PDZRN4: variants seen among roughly 807,000 people sequenced by gnomAD.
PDZRN4 encodes the protein PDZ domain containing ring finger 4.
PDZRN4 carries 70 observed loss-of-function variants against 99.0 expected under a neutral mutation model. The ratio of observed to expected loss-of-function variants is 0.71; its 90% CI spans 0.58 to 0.86. The LOEUF (loss-of-function observed/expected upper bound fraction) is 0.86. Ranked by LOEUF, PDZRN4 falls within the 40% of genes least tolerant of loss-of-function variation. PDZRN4 has a pLI of 0.00. For synonymous variants in PDZRN4, 551 were observed against 501.6 expected (o/e 1.10, Z -1.32); for missense variants, 1,474 against 1,331.2 (o/e 1.11, Z -1.67).
At chr12:41,472,295 G>A (rs1053757019) in intron 3 of PDZRN4, among the ~76,000 whole-genome samples, 4 of 152,110 alleles carry the variant, frequency 2.6e-5, no homozygotes, top group East Asian at 1.9e-4. Flanking sequence ...GAGCCACGGC[G>A]CCTGGCCCTG....
At chr12:41,283,188 A>T (rs1951400878) in intron 3 of PDZRN4, among the ~76,000 whole-genome samples, 1 of 152,228 alleles carries the variant, frequency 6.6e-6, no homozygotes, top group African/African-American at 2.4e-5. Flanking sequence ...GGATATGACC[A>T]CTGTTCCCAC....
At chr12:41,469,702 G>T (rs534472462) in intron 3 of PDZRN4, among the ~76,000 whole-genome samples, 3 of 151,958 alleles carry the variant, frequency 2.0e-5, no homozygotes, top group Non-Finnish European at 2.9e-5. Context: ...GAGGCCGAGG[G>T]GGGCCGATCA....
At chr12:41,359,307 T>C (rs1331033724) in intron 3 of PDZRN4, among the ~76,000 whole-genome samples, 1 of 152,060 alleles carries the variant, frequency 6.6e-6, no homozygotes, top group Non-Finnish European at 1.5e-5. Context: ...GGGACACTTC[T>C]GTGTTCAAAT....
intron 3 of PDZRN4, among the ~76,000 whole-genome samples, chr12:41,344,220 AT>A (rs575702322): frequency 1.3e-5 from 2 of 151,980 alleles, no homozygotes; most frequent in East Asian, 1.9e-4. Flanking sequence ...ACCTCATTAA[AT>A]TTTTTTTCTC....
At chr12:41,439,737 C>A (rs555913821) in intron 3 of PDZRN4, among the ~76,000 whole-genome samples, 14 of 152,172 alleles carry the variant, frequency 9.2e-5, no homozygotes, top group African/African-American at 3.1e-4. Context: ...ATTTTATTTT[C>A]TCTACTCCTG....
chr12:41,323,826 G>A (rs1456742420), intron 3 of PDZRN4, among the ~76,000 whole-genome samples: 1 of 151,744 alleles, frequency 6.6e-6, no homozygotes, highest in East Asian at 1.9e-4. Flanking sequence ...AAAATTTCTT[G>A]TAGAGATGTG....
intron 5 of PDZRN4, among the ~76,000 whole-genome samples, chr12:41,533,812 T>G (rs1938704648): frequency 6.6e-6 from 1 of 152,208 alleles, no homozygotes; most frequent in South Asian, 2.1e-4. Context: ...TATAACTATT[T>G]ACAAATTTGT....
chr12:41,539,580 A>G (rs1224543950), intron 5 of PDZRN4, among the ~76,000 whole-genome samples: 6 of 152,108 alleles, frequency 3.9e-5, no homozygotes, highest in Admixed American at 2.6e-4. Flanking sequence ...GCTTAGAAAC[A>G]TTGCAGGAAT....
intron 3 of PDZRN4, among the ~76,000 whole-genome samples, chr12:41,401,067 A>G (rs967358511): frequency 6.6e-6 from 1 of 152,210 alleles, no homozygotes; most frequent in Non-Finnish European, 1.5e-5. Context: ...GAGGTGACTA[A>G]TCATAATGTA....
intron 3 of PDZRN4, among the ~76,000 whole-genome samples, chr12:41,484,030 A>T (rs1310463323): frequency 6.6e-6 from 1 of 152,312 alleles, no homozygotes; most frequent in East Asian, 1.9e-4. Flanking sequence ...AGATGAAAAT[A>T]TCTCGAGTTT....
At chr12:41,273,393 A>G (rs559930669) in intron 3 of PDZRN4, among the ~76,000 whole-genome samples, 5 of 152,146 alleles carry the variant, frequency 3.3e-5, no homozygotes, top group African/African-American at 1.2e-4. Flanking sequence ...CAAATCTGAA[A>G]ATGCAGTTCC....
chr12:41,339,575 A>C (rs2121011374), intron 3 of PDZRN4, among the ~76,000 whole-genome samples: 1 of 152,218 alleles, frequency 6.6e-6, no homozygotes, highest in East Asian at 1.9e-4. Flanking sequence ...CAAAATGGAC[A>C]AATGAGACCA....
intron 3 of PDZRN4, among the ~76,000 whole-genome samples, chr12:41,360,939 AGTGTGTGTGT>A (rs10522706): frequency 0.14 from 21,637 of 150,420 alleles, 1,876 homozygotes; most frequent in Middle Eastern, 0.24. Context: ...GAATAAGTAA[AGTGTGTGTGT>A]GTGTGTGTGT....
chr12:41,518,503 A>G (rs1938441352), intron 5 of PDZRN4, among the ~76,000 whole-genome samples: 1 of 152,048 alleles, frequency 6.6e-6, no homozygotes, highest in South Asian at 2.1e-4. Flanking sequence ...TCTGCATTTC[A>G]GAGTTATCTC....
chr12:41,395,494 G>T (rs987529829), intron 3 of PDZRN4, among the ~76,000 whole-genome samples: 5 of 152,146 alleles, frequency 3.3e-5, no homozygotes, highest in African/African-American at 1.2e-4. Context: ...CATGTTTACC[G>T]CTGAGTCATT....
At chr12:41,470,296 C>CA (rs1325649008) in intron 3 of PDZRN4, among the ~76,000 whole-genome samples, 1 of 152,090 alleles carries the variant, frequency 6.6e-6, no homozygotes, top group African/African-American at 2.4e-5. Flanking sequence ...CTTATTTTGG[C>CA]AAAAATCTCC....
chr12:41,350,078 TTCC>T (rs1951880052), intron 3 of PDZRN4, among the ~76,000 whole-genome samples: 1 of 152,100 alleles, frequency 6.6e-6, no homozygotes, highest in African/African-American at 2.4e-5. Flanking sequence ...TAAGTGAGTC[TTCC>T]ATCAGTTTGG....
At chr12:41,199,132 C>A (rs950083960) in intron 3 of PDZRN4, among the ~76,000 whole-genome samples, 4 of 152,100 alleles carry the variant, frequency 2.6e-5, no homozygotes, top group African/African-American at 9.7e-5. Context: ...AACACTATAT[C>A]TTACTATCTC....
At position 41,202,359 on chromosome 12, in the gene PDZRN4, A is replaced by G. The variant is rs139375748; in HGVS notation, c.843+8171A>G. On this transcript the variant is annotated intron_variant, in intron 3 of 9. Coordinates refer to ENST00000402685, the MANE Select transcript of PDZRN4 (RefSeq NM_001164595.2). ...TGCTTTCGTAAGTACATGCTGTTGT[A>G]TTCCTAGCAGATTTTAGTGTTTCTA... 5.9e-5 allele frequency among the ~76,000 whole-genome samples: 9 copies of G among 152,232 alleles called. No individual in the cohort carries two copies. The East Asian group carries it at 1.6e-3, about 26-fold the overall frequency.
Sources: gnomAD v4.1 joint callset for allele counts (sites outside exome capture counted in the v4.1 genomes callset) on GRCh38, gnomAD v4.1.1 for gene constraint, MANE v1.5 for transcripts, NCBI Gene and HGNC (gene_info 2026-07-23, HGNC 2026-07-21) for gene names.